The following CYFIP1 variants were observed in gnomAD, a reference collection of about 807,000 sequenced individuals.
CYFIP1 encodes the protein cytoplasmic FMR1 interacting protein 1, also known as cytoplasmic FMR1-interacting protein 1.
Under a neutral mutation model 163.5 loss-of-function variants are expected in CYFIP1, and 58 were observed. That is an observed-to-expected ratio of 0.35 (90% CI 0.29 to 0.44). CYFIP1 has a LOEUF of 0.44. Among genes scored for constraint, CYFIP1 ranks in the 20% least tolerant of loss-of-function variants. The pLI is 1.00. For missense variants in CYFIP1, 1,338 were observed against 1,653.8 expected, an observed-to-expected ratio of 0.81 and a Z score of 3.31; for synonymous variants, 663 against 660.7, an observed-to-expected ratio of 1.00 and a Z score of -0.05.
rs141246775 is a variant in CYFIP1, at chr15:22,879,997, G to A, written c.2958C>T (p.Tyr986=). The change falls in exon 26 of 31, where the codon TAC becomes TAT. Residue 986 remains tyrosine (Y), a synonymous_variant. Transcript: ENST00000617928. ...GGAAGCACACCGTCTTCAGCTCTGCGTACTCCACGATGTCCTTCAGCTGGT... is the reference window on the plus strand; with the variant it reads ...GGAAGCACACCGTCTTCAGCTCTGCATACTCCACGATGTCCTTCAGCTGGT... The part of the protein sequence containing the change: ...FHHQLKDIVE[Y]AELKTVCFQN... 51 of 1,613,826 alleles carry A rather than the reference G, an allele frequency of 3.2e-5. No individual in the cohort carries two copies. Among genetic ancestry groups the A allele is most frequent in the East Asian group, 1.8e-4 (8 of 44,878 alleles).
chr15:22,877,026 C>A (rs1196013439), intron 26 of CYFIP1, among the ~76,000 whole-genome samples: 1 of 152,118 alleles, frequency 6.6e-6, no homozygotes, highest in Non-Finnish European at 1.5e-5. Flanking sequence ...GACAGGCATC[C>A]TCAGGCTTGG....
intron 11 of CYFIP1, among the ~76,000 whole-genome samples, chr15:22,931,645 C>G: frequency 8.1e-6 from 1 of 123,844 alleles, no homozygotes. Flanking sequence ...TTAATTATCT[C>G]ATCTCTGTCC....
chr15:22,900,399 CTTTT>C (rs35697922), intron 22 of CYFIP1, among the ~76,000 whole-genome samples: 9 of 135,048 alleles, frequency 6.7e-5, no homozygotes, highest in Non-Finnish European at 9.5e-5. Context: ...AATTTCTGTT[CTTTT>C]TTTTTTTTTT....
At chr15:22,950,715 T>C (rs1031318866) in intron 1 of CYFIP1, among the ~76,000 whole-genome samples, 4 of 152,326 alleles carry the variant, frequency 2.6e-5, no homozygotes, top group African/African-American at 9.6e-5. Context: ...CATCCCCTTG[T>C]CCAGCGTGTC....
chr15:22,892,840 A>G lies in CYFIP1; in HGVS notation c.2676+50T>C, dbSNP rs776181409. On this transcript the variant is annotated intron_variant, in intron 23 of 30. Coordinates refer to ENST00000617928, the MANE Select transcript of CYFIP1 (RefSeq NM_014608.6). ...AACCAATTAAACTACACTTCAAAAC[A>G]TGCTTCATTATGAGCTTCAAGCTCG... is the stretch of plus-strand genomic sequence containing the variant. 1.5e-5 allele frequency: 21 copies of G among 1,370,674 alleles called. 1 individual carries two copies. The South Asian group carries it at 2.5e-4, about 16-fold the overall frequency. The allele number at this position is 1,370,674 out of a possible 1,614,324, so 84.9% of individuals were successfully genotyped here. A position where few individuals can be genotyped will look rare whatever the true frequency, so the allele number is the denominator to read the frequency against.
Position 22,940,145 on chromosome 15 carries a change from T to C in CYFIP1, c.570-638A>G, listed in dbSNP as rs146391449. Among the ~76,000 whole-genome samples, 54 of 152,326 alleles carry C rather than the reference T, an allele frequency of 3.5e-4. 2 individuals carry two copies. The East Asian group carries it at 0.01, about 28-fold the overall frequency. On this transcript the variant is annotated intron_variant, in intron 6 of 30. Coordinates refer to ENST00000617928, the MANE Select transcript of CYFIP1 (RefSeq NM_014608.6). ...TGTGAGGATTCTGATCATCTAGGAC[T>C]GTCCCGCAAGAAAGTTCAGTGGAAA...
Position 22,960,578 on chromosome 15 carries a change from C to A in CYFIP1, c.-6-13287G>T, listed in dbSNP as rs545593248. Among the ~76,000 whole-genome samples the A allele has an allele frequency of 2.6e-5, 4 of 152,374 alleles. No individual in the cohort carries two copies. The East Asian group carries it at 7.7e-4, about 29-fold the overall frequency. ...GTATCCAGGCCATTTAGCTGTCCAT[C>A]AAAGGAACAAAAGCAGAAAGCAGCT... On this transcript the variant is annotated intron_variant, in intron 1 of 30. Transcript: ENST00000617928.
chr15:22,871,322 AAGTTC>A (rs750871441), intron 30 of CYFIP1, among the ~76,000 whole-genome samples: 6 of 152,232 alleles, frequency 3.9e-5, no homozygotes, highest in East Asian at 3.8e-4. Context: ...GAGATGGAAA[AAGTTC>A]AGTTAAGACA....
At chr15:22,952,959 A>G (rs1190377364) in intron 1 of CYFIP1, among the ~76,000 whole-genome samples, 1 of 151,870 alleles carries the variant, frequency 6.6e-6, no homozygotes. Context: ...TATTCTTCAC[A>G]TTTTCATATT....
At chr15:22,912,109 G>T in intron 18 of CYFIP1, 70 bp downstream of exon 18, 2 of 1,360,852 alleles carry the variant, frequency 1.5e-6, no homozygotes, top group East Asian at 2.4e-5. Flanking sequence ...TGAATACTTG[G>T]GAGAAAACAA....
At chr15:22,884,252 C>T (rs1012567354) in intron 23 of CYFIP1, among the ~76,000 whole-genome samples, 38 of 152,298 alleles carry the variant, frequency 2.5e-4, no homozygotes, top group Middle Eastern at 3.4e-3. Flanking sequence ...TCCAAAGTCT[C>T]ATCTGAGACA....
rs1321039046 is a variant in CYFIP1 at position 22,889,114 on chromosome 15, A to G, written c.2676+3776T>C. On this transcript the variant is annotated intron_variant, in intron 23 of 30. Transcript: ENST00000617928. ...ACTAGCTTAGGTTTTAACAAAAACG[A>G]CACAAACAGTTTCTGAAACGGAGGC... 3.3e-5 allele frequency among the ~76,000 whole-genome samples: 5 copies of G among 152,348 alleles called. 1 individual carries two copies. The East Asian group carries it at 9.6e-4, about 29-fold the overall frequency.
At chr15:22,933,479 T>A (rs1255562859) in intron 10 of CYFIP1, among the ~76,000 whole-genome samples, 1 of 151,794 alleles carries the variant, frequency 6.6e-6, no homozygotes, top group Non-Finnish European at 1.5e-5. Context: ...CACGCCCGGC[T>A]AATTTTTTCT....
rs1234788749 is a variant in CYFIP1 at position 22,872,815 on chromosome 15, A to G, written c.3597+10T>C. On this transcript the variant is annotated intron_variant, in intron 30 of 30. Coordinates refer to ENST00000617928, the MANE Select transcript of CYFIP1 (RefSeq NM_014608.6). ...GGTCCATAGATGGTGCGAGATTTTC[A>G]TCCACATACCACATTTTTAATAATC... 1.2e-6 allele frequency: 2 copies of G among 1,613,510 alleles called. No homozygotes were observed. Among genetic ancestry groups the G allele is most frequent in the African/African-American group, 2.7e-5 (2 of 74,918 alleles).
chr15:22,947,275 T>C lies in CYFIP1; in HGVS notation c.11A>G (p.Gln4Arg), dbSNP rs773170102. MAAQVTLEDALSNV... is the reference protein window; with the variant it reads MAARVTLEDALSNV... ...GGACAGCGCGTCCTCCAGAGTCACC[T>C]GGGCCGCCATCCTGGGCTGGAACAA... The change falls in exon 2 of 31, where the codon CAG becomes CGG. Residue 4 changes from glutamine to arginine, a missense_variant. Physicochemically the swap from Gln to Arg is conservative, Grantham distance 43. This residue lies in a region of CYFIP1 where 186 missense variants were observed against 288.3 expected (regional missense o/e 0.65). Transcript: ENST00000617928. 3.7e-6 allele frequency: 6 copies of C among 1,613,752 alleles called. No individual in the cohort carries two copies. Among genetic ancestry groups the C allele is most frequent in the East Asian group, 2.2e-5 (1 of 44,876 alleles).
chr15:22,908,653 G>A lies in CYFIP1; in HGVS notation c.2388+541C>T, dbSNP rs187787539. Among the ~76,000 whole-genome samples, 229 of 146,700 alleles carry A rather than the reference G, an allele frequency of 1.6e-3. No individual in the cohort carries two copies. The Middle Eastern group carries it at 0.018, about 11-fold the overall frequency. ...AAGCGATTCTCCTGCCTCAGCTTCC[G>A]GAGTAGCTCGGACTACAGGTGCCTG... On this transcript the variant is annotated intron_variant, in intron 21 of 30. Coordinates refer to ENST00000617928, the MANE Select transcript of CYFIP1 (RefSeq NM_014608.6).
chr15:22,887,765 G>C (rs1248107019), intron 23 of CYFIP1, among the ~76,000 whole-genome samples: 1 of 152,186 alleles, frequency 6.6e-6, no homozygotes, highest in East Asian at 1.9e-4. Flanking sequence ...CTGGGGAAGG[G>C]CACCGTCACA....
intron 1 of CYFIP1, among the ~76,000 whole-genome samples, chr15:22,964,011 T>C (rs755819198): frequency 1.7e-4 from 26 of 152,134 alleles, no homozygotes; most frequent in Non-Finnish European, 3.5e-4. Context: ...ACAGAAACTA[T>C]GGATTCACAT....
chr15:22,916,713 A>G (rs904131924), intron 15 of CYFIP1, 83 bp from the exon 16 acceptor site: 1 of 1,614,056 alleles, frequency 6.2e-7, no homozygotes, highest in South Asian at 1.1e-5. Flanking sequence ...CCCATGAGAG[A>G]AGGACTGCTC....
Sources: gnomAD v4.1 joint callset for allele counts (sites outside exome capture counted in the v4.1 genomes callset) on GRCh38, gnomAD v4.1.1 for gene constraint, gnomAD v4.1.1 regional missense constraint, MANE v1.5 for transcripts, NCBI Gene and HGNC (gene_info 2026-07-23, HGNC 2026-07-21) for gene names.